Variants in ST6GALNAC5 observed in about 807,000 individuals in gnomAD.
The protein encoded by ST6GALNAC5 is ST6 N-acetylgalactosaminide alpha-2,6-sialyltransferase 5, also known as alpha-N-acetylgalactosaminide alpha-2,6-sialyltransferase 5.
ST6GALNAC5 carries 27 observed loss-of-function variants against 33.6 expected under a neutral mutation model. The ratio of observed to expected loss-of-function variants is 0.80; its 90% confidence interval spans 0.59 to 1.11. The LOEUF is 1.11. Ranked by LOEUF, ST6GALNAC5 falls within the 50% of genes least tolerant of loss-of-function variation. ST6GALNAC5 has a pLI of 0.00. For missense variants in ST6GALNAC5, 428 were observed against 454.0 expected (o/e 0.94, Z 0.52); for synonymous variants, 194 against 171.2 (o/e 1.13, Z -1.04).
At chr1:77,059,059 A>T (rs1652491091) in intron 4 of ST6GALNAC5, among the ~76,000 whole-genome samples, 1 of 152,250 alleles carries the variant, frequency 6.6e-6, no homozygotes, top group Non-Finnish European at 1.5e-5. Context: ...TGTATTATTT[A>T]AAAATATGTT....
intron 2 of ST6GALNAC5, among the ~76,000 whole-genome samples, chr1:76,983,263 A>T (rs2100384144): frequency 6.6e-6 from 1 of 152,292 alleles, no homozygotes; most frequent in South Asian, 2.1e-4. Context: ...TATTCAGGAG[A>T]CCCATCTCAC....
At chr1:77,021,081 G>A (rs543128408) in intron 2 of ST6GALNAC5, among the ~76,000 whole-genome samples, 22 of 152,320 alleles carry the variant, frequency 1.4e-4, no homozygotes, top group African/African-American at 5.3e-4. Context: ...AGACACTAAG[G>A]TGAGCCCATA....
At chr1:76,990,123 A>C (rs957723829) in intron 2 of ST6GALNAC5, among the ~76,000 whole-genome samples, 2 of 152,154 alleles carry the variant, frequency 1.3e-5, no homozygotes, top group African/African-American at 4.8e-5. Context: ...TATTTGCCTT[A>C]GGGTGGTTCC....
chr1:76,896,274 C>T (rs1654133840), intron 2 of ST6GALNAC5, among the ~76,000 whole-genome samples: 1 of 152,130 alleles, frequency 6.6e-6, no homozygotes, highest in Non-Finnish European at 1.5e-5. Flanking sequence ...AGTTATCTGA[C>T]ATGGGGAATG....
At chr1:77,008,187 G>T (rs1236374347) in intron 2 of ST6GALNAC5, among the ~76,000 whole-genome samples, 1 of 152,158 alleles carries the variant, frequency 6.6e-6, no homozygotes, top group Non-Finnish European at 1.5e-5. Context: ...CTCTCTGCAT[G>T]GGTTAGTTTG....
intron 2 of ST6GALNAC5, among the ~76,000 whole-genome samples, chr1:77,030,457 AT>A (rs1430408197): frequency 5.9e-5 from 9 of 152,242 alleles, no homozygotes; most frequent in Non-Finnish European, 1.3e-4. Flanking sequence ...ATCTGTAAAA[AT>A]TGATCGTCAT....
At chr1:76,911,404 C>CTT (rs1557719451) in intron 2 of ST6GALNAC5, among the ~76,000 whole-genome samples, 1 of 152,038 alleles carries the variant, frequency 6.6e-6, no homozygotes, top group African/African-American at 2.4e-5. Flanking sequence ...CTAAAATTCT[C>CTT]TTTTTTGGTT....
chr1:76,895,195 C>A (rs978879517), intron 2 of ST6GALNAC5, among the ~76,000 whole-genome samples: 1 of 152,002 alleles, frequency 6.6e-6, no homozygotes, highest in Non-Finnish European at 1.5e-5. Flanking sequence ...GATATGATGG[C>A]TTAGCTTGGG....
At chr1:77,007,330 CT>C (rs1650462409) in intron 2 of ST6GALNAC5, among the ~76,000 whole-genome samples, 1 of 152,226 alleles carries the variant, frequency 6.6e-6, no homozygotes, top group Non-Finnish European at 1.5e-5. Context: ...GCCCCAGCAC[CT>C]CTGCAACGCT....
At chr1:76,990,750 C>T (rs1192459701) in intron 2 of ST6GALNAC5, among the ~76,000 whole-genome samples, 1 of 152,188 alleles carries the variant, frequency 6.6e-6, no homozygotes, top group Non-Finnish European at 1.5e-5. Context: ...TGATAGCAGA[C>T]TCAAACTGGG....
intron 2 of ST6GALNAC5, among the ~76,000 whole-genome samples, chr1:77,002,493 A>G (rs1304206064): frequency 6.6e-6 from 1 of 150,804 alleles, no homozygotes; most frequent in Non-Finnish European, 1.5e-5. Context: ...TATTTCCTTC[A>G]GTTCTGCTCT....
chr1:77,052,938 AAC>A (rs770317108), intron 4 of ST6GALNAC5, among the ~76,000 whole-genome samples: 4,100 of 97,158 alleles, frequency 0.042, 129 homozygotes, highest in Admixed American at 0.14. Context: ...AAAAAAAAAA[AAC>A]AATTTTAAGG....
At chr1:76,984,647 C>T (rs1244159110) in intron 2 of ST6GALNAC5, among the ~76,000 whole-genome samples, 1 of 152,164 alleles carries the variant, frequency 6.6e-6, no homozygotes, top group Non-Finnish European at 1.5e-5. Flanking sequence ...AAGAGGGAAT[C>T]CTCCCTAACT....
Position 77,002,053 on chromosome 1 carries a change from T to G in ST6GALNAC5, c.262-42151T>G, listed in dbSNP as rs1242843560. On this transcript the variant is annotated intron_variant, in intron 2 of 4. Transcript: ENST00000477717. ...TCTTTTTCTATTGATTGGAATAGTT[T>G]CAGAAGGAATGGTACCAGTTCCTCC... 2.6e-5 allele frequency among the ~76,000 whole-genome samples: 4 copies of G among 152,104 alleles called. No homozygotes were observed. The East Asian group carries it at 7.7e-4, about 29-fold the overall frequency.
chr1:76,873,786 A>T (rs1653564204), intron 2 of ST6GALNAC5, among the ~76,000 whole-genome samples: 2 of 152,216 alleles, frequency 1.3e-5, no homozygotes, highest in African/African-American at 4.8e-5. Context: ...CACTGTTTGA[A>T]ATGTTTTTAA....
intron 2 of ST6GALNAC5, among the ~76,000 whole-genome samples, chr1:77,010,071 G>T (rs1463290191): frequency 1.3e-5 from 2 of 152,170 alleles, no homozygotes; most frequent in East Asian, 3.9e-4. Flanking sequence ...TGTGTCCAGA[G>T]AACTTTCCAC....
chr1:77,010,699 C>T (rs758841341), intron 2 of ST6GALNAC5, among the ~76,000 whole-genome samples: 4 of 152,002 alleles, frequency 2.6e-5, no homozygotes, highest in Admixed American at 6.6e-5. Context: ...GTCTGACAAT[C>T]GTTTGACCCT....
intron 2 of ST6GALNAC5, among the ~76,000 whole-genome samples, chr1:76,904,914 G>C (rs1263268076): frequency 6.6e-6 from 1 of 152,176 alleles, no homozygotes; most frequent in African/African-American, 2.4e-5. Flanking sequence ...AATCTATGCT[G>C]TAGGAAGACA....
chr1:77,026,005 C>T (rs777487247), intron 2 of ST6GALNAC5, among the ~76,000 whole-genome samples: 6 of 152,228 alleles, frequency 3.9e-5, no homozygotes, highest in Non-Finnish European at 7.3e-5. Context: ...TAGGAGGCAG[C>T]ACCACAAAAT....
Sources: allele counts gnomAD v4.1 joint callset (sites outside exome capture counted in the v4.1 genomes callset), GRCh38; gene constraint gnomAD v4.1.1; transcripts MANE v1.5; gene names NCBI Gene and HGNC (gene_info 2026-07-23, HGNC 2026-07-21).